The following ARHGEF18 variants were observed in gnomAD, a reference collection of about 807,000 sequenced individuals.
The protein encoded by ARHGEF18 is rho guanine nucleotide exchange factor 18.
In ARHGEF18, 93 loss-of-function variants were observed where a neutral mutation model predicts 155.7. The observed-to-expected ratio is 0.60, with a 90% CI of 0.50 to 0.71. The LOEUF (loss-of-function observed/expected upper bound fraction) is 0.71, where lower values mean the gene tolerates loss of function less well. ARHGEF18 is among the 30% of genes least tolerant of loss of function. ARHGEF18 has a pLI of 0.00. For synonymous variants in ARHGEF18, 742 were observed against 753.1 expected (o/e 0.99, Z 0.24); for missense variants, 1,593 against 1,816.1 (o/e 0.88, Z 2.23).
intron 13 of ARHGEF18, among the ~76,000 whole-genome samples, chr19:7,443,055 A>ATTTTTTTTTTTTTTTTTTT (rs10600280): frequency 1.2e-5 from 1 of 81,184 alleles, no homozygotes; most frequent in African/African-American, 5.7e-5. Flanking sequence ...TGCCCAGCTA[A>ATTTTTTTTTTTTTTTTTTT]TTTTTTTTTT....
intron 18 of ARHGEF18, 134 bp from the exon 19 acceptor site, chr19:7,458,378 C>G (rs1049869151): frequency 5.6e-6 from 4 of 708,710 alleles, no homozygotes; most frequent in African/African-American, 3.7e-5. Context: ...AAAATATTTC[C>G]GCTTTGAATT....
Position 7,470,837 on chromosome 19 carries a change from G to C in ARHGEF18, c.*539G>C. 2 of 401,226 alleles carry C rather than the reference G, an allele frequency of 5.0e-6. No homozygotes were observed. The highest frequency in any genetic ancestry group is 7.1e-5 in the East Asian group (2 of 28,060). 24.9% of individuals were successfully genotyped at this position (401,226 alleles called of 1,614,324 possible). On this transcript the variant is annotated 3_prime_UTR_variant, in exon 29 of 29. Coordinates refer to ENST00000668164, the MANE Select transcript of ARHGEF18 (RefSeq NM_001367823.1). This position sits in a 1 kb window ranked among gnomAD's most constrained non-coding sequence, Gnocchi z 5.9. ...TCAGGCAGAATCCACTTCCCAAACA[G>C]AGCCCCACGCAGGTTCACCATGAAC...
intron 10 of ARHGEF18, among the ~76,000 whole-genome samples, chr19:7,435,706 G>T (rs75017547): frequency 6.6e-6 from 1 of 152,126 alleles, no homozygotes; most frequent in African/African-American, 2.4e-5. Flanking sequence ...TCACAAATCC[G>T]GAATAAAAGG....
At chr19:7,436,051 T>C (rs78882994) in intron 10 of ARHGEF18, among the ~76,000 whole-genome samples, 1 of 152,144 alleles carries the variant, frequency 6.6e-6, no homozygotes, top group Admixed American at 6.6e-5. Flanking sequence ...TTGCCCAGAC[T>C]GGTCTCTAAC....
At chr19:7,475,403 G>A (rs1349835970), downstream of ARHGEF18, among the ~76,000 whole-genome samples, 1 of 152,184 alleles carries the variant, frequency 6.6e-6, no homozygotes, top group African/African-American at 2.4e-5. Context: ...CTGGGGTGAT[G>A]GAATGTTCTA....
chr19:7,373,477 G>GT (rs369561919), intron 3 of ARHGEF18, among the ~76,000 whole-genome samples: 11 of 95,644 alleles, frequency 1.2e-4, no homozygotes, highest in African/African-American at 3.7e-4. Context: ...TTTTTTTTTT[G>GT]TTTTTGTTTT....
At chr19:7,454,054 G>A (rs571894569) in intron 17 of ARHGEF18, among the ~76,000 whole-genome samples, 79 of 152,002 alleles carry the variant, frequency 5.2e-4, no homozygotes, top group Admixed American at 1.1e-3. Flanking sequence ...TGCCATCTTG[G>A]ATCAGTGGGC....
At chr19:7,406,900 CA>C (rs921116340) in intron 10 of ARHGEF18, among the ~76,000 whole-genome samples, 1 of 144,636 alleles carries the variant, frequency 6.9e-6, no homozygotes, top group Non-Finnish European at 1.5e-5. Context: ...TAAAAAAAAA[CA>C]AAAAAAAACA....
Position 7,441,978 on chromosome 19 carries a change from G to A in ARHGEF18, c.1286G>A (p.Trp429Ter). The change falls in exon 13 of 29, where the codon TGG (tryptophan) becomes TAG (stop). Residue 429 changes from tryptophan (W) to a stop codon, truncating the protein, a stop_gained. Transcript: ENST00000668164. LOFTEE classifies it high-confidence loss of function. ...GGCCACGAGTTTGAAGCTGAGTCCT[G>A]GAGCCTCGCCGTGGATGCAGCCTAC... ...SDGHEFEAES[W>*]SLAVDAAYAK... The A allele has an allele frequency of 6.2e-7, 1 of 1,614,130 alleles. No individual in the cohort carries two copies. The highest frequency in any genetic ancestry group is 8.5e-7 in the Non-Finnish European group (1 of 1,180,034).
At chr19:7,396,349 AG>A (rs1210203373) in intron 10 of ARHGEF18, among the ~76,000 whole-genome samples, 1 of 152,154 alleles carries the variant, frequency 6.6e-6, no homozygotes, top group Non-Finnish European at 1.5e-5. Flanking sequence ...AGTTCAGGAC[AG>A]TATAGACAGC....
intron 23 of ARHGEF18, among the ~76,000 whole-genome samples, chr19:7,464,948 C>T (rs1008183837): frequency 3.9e-5 from 6 of 152,234 alleles, no homozygotes. Context: ...ACCATGGCTT[C>T]ATCAACAGGC....
chr19:7,434,473 G>C (rs935222643), intron 10 of ARHGEF18, among the ~76,000 whole-genome samples: 6 of 152,148 alleles, frequency 3.9e-5, no homozygotes, highest in African/African-American at 1.4e-4. Flanking sequence ...TGCAGAAAGA[G>C]CTCTGCGGCA....
In ARHGEF18 at chr19:7,462,836, C is replaced by CTTTTTTTTTTTT. The variant is rs34155241; in HGVS notation, c.2635+509_2635+520dup. On this transcript the variant is annotated intron_variant, in intron 21 of 28. Coordinates refer to ENST00000668164, the MANE Select transcript of ARHGEF18 (RefSeq NM_001367823.1). This position sits in a 1 kb window ranked among gnomAD's most constrained non-coding sequence, Gnocchi z 4.4. ...AGTCTGCTCTTTCTTTTTTTCTTTT[C>CTTTTTTTTTTTT]TTTTTTTTTTTTTTTTTTGAGATGG... Among the ~76,000 whole-genome samples the CTTTTTTTTTTTT allele has an allele frequency of 3.1e-5, 3 of 96,488 alleles. No homozygotes were observed. Among genetic ancestry groups the CTTTTTTTTTTTT allele is most frequent in the African/African-American group, 8.9e-5 (2 of 22,520 alleles). The allele number at this position is 96,488 out of a possible 152,430, so 63.3% of individuals were successfully genotyped here.
chr19:7,438,383 G>A (rs1179595455), intron 10 of ARHGEF18, among the ~76,000 whole-genome samples: 1 of 151,136 alleles, frequency 6.6e-6, no homozygotes, highest in Non-Finnish European at 1.5e-5. Context: ...TTACAGGCGT[G>A]AGCCACCATG....
intron 15 of ARHGEF18, among the ~76,000 whole-genome samples, chr19:7,450,663 C>T (rs1568347792): frequency 1.4e-5 from 2 of 138,294 alleles, no homozygotes; most frequent in East Asian, 2.3e-4. Flanking sequence ...TCTTGCTGTC[C>T]ATTTCCGAGA....
intron 17 of ARHGEF18, among the ~76,000 whole-genome samples, chr19:7,455,506 G>A (rs1975772044): frequency 6.6e-6 from 1 of 152,136 alleles, no homozygotes; most frequent in East Asian, 1.9e-4. Flanking sequence ...ACAGGGACAA[G>A]GCGCCAAGGG....
At chr19:7,373,457 G>GTGTT (rs774201096) in intron 3 of ARHGEF18, among the ~76,000 whole-genome samples, 3 of 112,656 alleles carry the variant, frequency 2.7e-5, no homozygotes, top group African/African-American at 1.6e-4. Context: ...TCTTGTTTTT[G>GTGTT]TGTTTGTTTT....
rs1389970795 is a variant in ARHGEF18 at position 7,462,974 on chromosome 19, C to T, written c.2635+640C>T. 1.3e-5 allele frequency among the ~76,000 whole-genome samples: 2 copies of T among 151,624 alleles called. No individual in the cohort carries two copies. The highest frequency in any genetic ancestry group is 6.6e-5 in the Admixed American group (1 of 15,180). On this transcript the variant is annotated intron_variant, in intron 21 of 28. Transcript: ENST00000668164. This position sits in a 1 kb window ranked among gnomAD's most constrained non-coding sequence, Gnocchi z 4.4. ...TCAGCCTCCTGGGTAGCTGGGATTA[C>T]AGGCACCCACCACCACGCCCAGCTA...
the ARHGEF18 span, among the ~76,000 whole-genome samples, chr19:7,478,824 AC>A: frequency 6.6e-6 from 1 of 151,882 alleles, no homozygotes; most frequent in Non-Finnish European, 1.5e-5. Flanking sequence ...CCATGCCAGC[AC>A]CCCCTGCACA....
Sources: allele counts gnomAD v4.1 joint callset (sites outside exome capture counted in the v4.1 genomes callset), GRCh38; gene constraint gnomAD v4.1.1; non-coding constraint Gnocchi (gnomAD v3.1); transcripts MANE v1.5; gene names NCBI Gene and HGNC (gene_info 2026-07-23, HGNC 2026-07-21).